NRXN1: variants seen among roughly 807,000 people sequenced by gnomAD.
NRXN1 encodes the protein neurexin-1.
Under a neutral mutation model 150.9 loss-of-function variants are expected in NRXN1, and 39 were observed. That is an observed-to-expected ratio of 0.26 (90% CI 0.20 to 0.34). The LOEUF (loss-of-function observed/expected upper bound fraction) is 0.34. Among genes scored for constraint, NRXN1 ranks in the 10% least tolerant of loss-of-function variants. The pLI, the probability that NRXN1 is intolerant of heterozygous loss-of-function variation, is 1.00. For missense variants in NRXN1, 1,815 were observed against 1,949.9 expected, an observed-to-expected ratio of 0.93 and a Z score of 1.30; for synonymous variants, 924 against 757.0, an observed-to-expected ratio of 1.22 and a Z score of -3.62.
intron 8 of NRXN1, chr2:50,554,584 GC>G (rs1402784155): frequency 6.6e-6 from 1 of 152,104 alleles, no homozygotes; most frequent in Non-Finnish European, 1.5e-5. Flanking sequence ...TCATTCCAAT[GC>G]CAATCACATT....
intron 5 of NRXN1, among the ~76,000 whole-genome samples, chr2:50,792,405 G>T (rs1038459329): frequency 6.6e-6 from 1 of 152,048 alleles, no homozygotes; most frequent in Admixed American, 6.6e-5. Flanking sequence ...CTAGTACAGT[G>T]CAGACTGACC....
chr2:50,773,580 G>C (rs539143377), intron 5 of NRXN1, among the ~76,000 whole-genome samples: 1 of 152,138 alleles, frequency 6.6e-6, no homozygotes, highest in South Asian at 2.1e-4. Context: ...CAGTGCACTA[G>C]CTAAGTTCAG....
chr2:50,091,287 A>T lies in NRXN1; in HGVS notation c.3718+36T>A, dbSNP rs969807453. ...TGCTTTTTCTTCCAGTTTGTTTTTCATAAAATCTTCCCCCGATACATATTC... is the reference window on the plus strand; with the variant it reads ...TGCTTTTTCTTCCAGTTTGTTTTTCTTAAAATCTTCCCCCGATACATATTC... On this transcript the variant is annotated intron_variant, in intron 19 of 22. Coordinates refer to ENST00000401669, the MANE Select transcript of NRXN1 (RefSeq NM_001330078.2). 3 of 1,612,634 alleles carry T rather than the reference A, an allele frequency of 1.9e-6. No individual in the cohort carries two copies. In the African/African-American group the frequency reaches 4.0e-5, roughly 22 times the overall value.
At chr2:50,617,800 G>T (rs1679294710) in intron 8 of NRXN1, among the ~76,000 whole-genome samples, 1 of 152,108 alleles carries the variant, frequency 6.6e-6, no homozygotes, top group South Asian at 2.1e-4. Context: ...GAATACTAAG[G>T]TAAGGAATCT....
At chr2:50,967,193 A>C (rs1694243222) in intron 2 of NRXN1, among the ~76,000 whole-genome samples, 1 of 151,972 alleles carries the variant, frequency 6.6e-6, no homozygotes, top group African/African-American at 2.4e-5. Flanking sequence ...AGATACATAA[A>C]TTTCTGATAA....
chr2:50,612,108 G>A (rs540794488), intron 8 of NRXN1, among the ~76,000 whole-genome samples: 5 of 152,206 alleles, frequency 3.3e-5, no homozygotes, highest in South Asian at 2.1e-4. Context: ...CAAGGATTTC[G>A]CTCTCAGATT....
At chr2:50,260,513 C>A (rs2068144851) in intron 17 of NRXN1, among the ~76,000 whole-genome samples, 1 of 151,578 alleles carries the variant, frequency 6.6e-6, no homozygotes, top group Non-Finnish European at 1.5e-5. Flanking sequence ...CAACCACACT[C>A]CTCAGAGGGA....
At chr2:50,860,417 A>C (rs547809759) in intron 5 of NRXN1, among the ~76,000 whole-genome samples, 1 of 152,060 alleles carries the variant, frequency 6.6e-6, no homozygotes, top group African/African-American at 2.4e-5. Context: ...ATTAGAAAAA[A>C]CTCTGTGGTT....
At chr2:50,601,085 T>C (rs929625921) in intron 8 of NRXN1, among the ~76,000 whole-genome samples, 1 of 152,094 alleles carries the variant, frequency 6.6e-6, no homozygotes, top group Non-Finnish European at 1.5e-5. Flanking sequence ...AAAAAAATAA[T>C]AATAATTTGG....
At chr2:50,975,616 ACTATTTTCTG>A (rs1212945234) in intron 2 of NRXN1, among the ~76,000 whole-genome samples, 1 of 152,062 alleles carries the variant, frequency 6.6e-6, no homozygotes, top group African/African-American at 2.4e-5. Flanking sequence ...TATATTTAAC[ACTATTTTCTG>A]CTAACATAAG....
chr2:50,360,114 A>G (rs1174460639), intron 17 of NRXN1, among the ~76,000 whole-genome samples: 1 of 152,224 alleles, frequency 6.6e-6, no homozygotes, highest in Non-Finnish European at 1.5e-5. Context: ...GAAGCACTAA[A>G]TATGGAAAGG....
intron 21 of NRXN1, chr2:50,016,609 A>C (rs1038591800): frequency 6.6e-6 from 1 of 152,122 alleles, no homozygotes; most frequent in East Asian, 1.9e-4. Flanking sequence ...CCCGCAGGGG[A>C]AATGCCAGAT....
At chr2:50,910,334 T>C (rs1317986662) in intron 5 of NRXN1, among the ~76,000 whole-genome samples, 1 of 152,000 alleles carries the variant, frequency 6.6e-6, no homozygotes, top group Non-Finnish European at 1.5e-5. Context: ...AGAAATACAT[T>C]ACACACTTTA....
chr2:50,460,604 G>A (rs1177479023), intron 17 of NRXN1, among the ~76,000 whole-genome samples: 1 of 151,964 alleles, frequency 6.6e-6, no homozygotes, highest in African/African-American at 2.4e-5. Context: ...GAAGAACAAA[G>A]ATAAGTTTAC....
intron 8 of NRXN1, among the ~76,000 whole-genome samples, chr2:50,581,991 C>A (rs368809605): frequency 1.3e-5 from 2 of 152,062 alleles, no homozygotes; most frequent in African/African-American, 4.8e-5. Context: ...AGTACATCAT[C>A]ACAGAGAGAA....
intron 18 of NRXN1, among the ~76,000 whole-genome samples, chr2:50,206,753 A>C (rs998461241): frequency 6.6e-6 from 1 of 151,732 alleles, no homozygotes; most frequent in Non-Finnish European, 1.5e-5. Flanking sequence ...TAAAATGTTA[A>C]CAAAGCAAAG....
intron 17 of NRXN1, among the ~76,000 whole-genome samples, chr2:50,457,393 T>G (rs889569033): frequency 6.6e-6 from 1 of 152,118 alleles, no homozygotes; most frequent in Non-Finnish European, 1.5e-5. Context: ...ACAGAGACTG[T>G]GGGTACAGAA....
intron 21 of NRXN1, among the ~76,000 whole-genome samples, chr2:49,948,012 T>TCTTG (rs1673259271): frequency 6.6e-6 from 1 of 152,132 alleles, no homozygotes; most frequent in Non-Finnish European, 1.5e-5. Flanking sequence ...TATGAATTAT[T>TCTTG]CTTGAGGTCT....
At chr2:50,320,306 A>G (rs1447596870) in intron 17 of NRXN1, among the ~76,000 whole-genome samples, 1 of 121,858 alleles carries the variant, frequency 8.2e-6, no homozygotes, top group African/African-American at 3.3e-5. Flanking sequence ...ATATATATAT[A>G]TATATATATA....
Sources: gnomAD v4.1 joint callset for allele counts (sites outside exome capture counted in the v4.1 genomes callset) on GRCh38, gnomAD v4.1.1 for gene constraint, MANE v1.5 for transcripts, NCBI Gene and HGNC (gene_info 2026-07-23, HGNC 2026-07-21) for gene names.